AK5: variants seen among roughly 807,000 people sequenced by gnomAD.
AK5 encodes the protein adenylate kinase isoenzyme 5.
A neutral mutation model predicts 69.5 loss-of-function variants in AK5; 27 were observed. The observed-to-expected ratio is 0.39, with a 90% confidence interval of 0.29 to 0.54. The LOEUF (loss-of-function observed/expected upper bound fraction) is 0.54. Ranked by LOEUF, AK5 falls within the 20% of genes least tolerant of loss-of-function variation. The pLI, the probability that AK5 is intolerant of heterozygous loss-of-function variation, is 0.71. For missense variants in AK5, 531 were observed against 700.4 expected, an observed-to-expected ratio of 0.76 and a Z score of 2.73; for synonymous variants, 260 against 244.4, an observed-to-expected ratio of 1.06 and a Z score of -0.60.
At position 77,288,752 on chromosome 1, in the gene AK5, T is replaced by C. The variant is rs929271223; in HGVS notation, c.247+1625T>C. Among the ~76,000 whole-genome samples, 3 of 152,188 alleles carry C rather than the reference T, an allele frequency of 2.0e-5. No individual in the cohort carries two copies. In the South Asian group the frequency reaches 6.2e-4, roughly 31 times the overall value. On this transcript the variant is annotated intron_variant, in intron 2 of 13. Coordinates refer to ENST00000354567, the MANE Select transcript of AK5 (RefSeq NM_174858.3). Reference sequence around the variant, plus strand: ...TAATTTTAGAAACTTTCAAATGTTATAACGGACCAAAAAACAGAGAAATAG... The same window carrying C: ...TAATTTTAGAAACTTTCAAATGTTACAACGGACCAAAAAACAGAGAAATAG...
At chr1:77,303,777 G>C (rs968343613) in intron 5 of AK5, among the ~76,000 whole-genome samples, 2 of 152,214 alleles carry the variant, frequency 1.3e-5, no homozygotes, top group Non-Finnish European at 2.9e-5. Context: ...TGAAAGCTAG[G>C]TCACTGCCAT....
intron 12 of AK5, among the ~76,000 whole-genome samples, chr1:77,527,160 A>C (rs1658337527): frequency 6.6e-6 from 1 of 152,250 alleles, no homozygotes. Flanking sequence ...CAGATCATAT[A>C]ACATGCATAA....
intron 11 of AK5, 110 bp from the exon 12 acceptor site, chr1:77,521,717 A>C: frequency 1.4e-6 from 1 of 735,080 alleles, no homozygotes; most frequent in Non-Finnish European, 2.4e-6. Context: ...TCTGCTGTTA[A>C]CCTTACCTGA....
intron 6 of AK5, among the ~76,000 whole-genome samples, chr1:77,367,135 C>G (rs1379217943): frequency 6.6e-6 from 1 of 151,836 alleles, no homozygotes; most frequent in Non-Finnish European, 1.5e-5. Flanking sequence ...AATAGTTATA[C>G]ATGCATCCTT....
chr1:77,516,660 T>C (rs1336929228), intron 10 of AK5, among the ~76,000 whole-genome samples: 1 of 151,246 alleles, frequency 6.6e-6, no homozygotes, highest in Non-Finnish European at 1.5e-5. Flanking sequence ...TGTGTGGGCA[T>C]AGGAGGCCAT....
chr1:77,307,163 T>G (rs1191841800), intron 5 of AK5, among the ~76,000 whole-genome samples: 1 of 151,954 alleles, frequency 6.6e-6, no homozygotes. Context: ...GCTTTTGCTT[T>G]TTTAAAATTC....
At chr1:77,430,075 C>T (rs2100609217) in intron 8 of AK5, among the ~76,000 whole-genome samples, 1 of 151,158 alleles carries the variant, frequency 6.6e-6, no homozygotes, top group South Asian at 2.1e-4. Context: ...TTTTTTAAAA[C>T]ATTTTTCTGG....
At chr1:77,525,804 T>C (rs1261224075) in intron 12 of AK5, among the ~76,000 whole-genome samples, 1 of 152,220 alleles carries the variant, frequency 6.6e-6, no homozygotes. Flanking sequence ...TCTATTGGTC[T>C]ATATATCTGT....
chr1:77,403,905 G>A (rs1033921306), intron 6 of AK5, among the ~76,000 whole-genome samples: 1 of 152,154 alleles, frequency 6.6e-6, no homozygotes, highest in Non-Finnish European at 1.5e-5. Context: ...CCATTTTCAT[G>A]ATATTGATTC....
chr1:77,390,059 G>T (rs1648320030), intron 6 of AK5, among the ~76,000 whole-genome samples: 1 of 152,148 alleles, frequency 6.6e-6, no homozygotes, highest in African/African-American at 2.4e-5. Context: ...TGAGAAGAGG[G>T]TCTCAGCTGG....
At chr1:77,321,468 G>A (rs534100097) in intron 5 of AK5, among the ~76,000 whole-genome samples, 8 of 150,456 alleles carry the variant, frequency 5.3e-5, no homozygotes, top group East Asian at 3.9e-4. Context: ...GCGAGACTCC[G>A]TCTCAAAAAA....
chr1:77,483,376 G>A lies in AK5; in HGVS notation c.1102+17G>A, dbSNP rs772326700. ...CTATGGGAGGTGAGTTTTCCTTACTGATCAGATCAAAGTTGTCATTTTAGT... is the reference window on the plus strand; with the variant it reads ...CTATGGGAGGTGAGTTTTCCTTACTAATCAGATCAAAGTTGTCATTTTAGT... On this transcript the variant is annotated intron_variant, in intron 9 of 13. Transcript: ENST00000354567. 1.2e-6 allele frequency: 2 copies of A among 1,604,244 alleles called. No homozygotes were observed. The highest frequency in any genetic ancestry group is 1.7e-6 in the Non-Finnish European group (2 of 1,171,156).
intron 6 of AK5, among the ~76,000 whole-genome samples, chr1:77,393,570 C>T (rs1182208001): frequency 1.3e-5 from 2 of 152,180 alleles, no homozygotes; most frequent in Non-Finnish European, 2.9e-5. Flanking sequence ...TATCCCACCT[C>T]AAATACTTCC....
At chr1:77,536,763 G>A (rs1658993302) in intron 13 of AK5, among the ~76,000 whole-genome samples, 1 of 152,128 alleles carries the variant, frequency 6.6e-6, no homozygotes, top group African/African-American at 2.4e-5. Flanking sequence ...ATTTTACATC[G>A]TTCACAATTG....
At chr1:77,447,407 C>T (rs375841105) in intron 8 of AK5, among the ~76,000 whole-genome samples, 3 of 152,312 alleles carry the variant, frequency 2.0e-5, no homozygotes, top group Admixed American at 1.3e-4. Flanking sequence ...CATCACTATG[C>T]ATAGCTGGCA....
intron 6 of AK5, among the ~76,000 whole-genome samples, chr1:77,407,042 G>C (rs1649704147): frequency 6.7e-6 from 1 of 149,062 alleles, no homozygotes; most frequent in Non-Finnish European, 1.5e-5. Flanking sequence ...AAATTACCAG[G>C]CATGCAAAGA....
chr1:77,479,802 T>C, intron 8 of AK5, among the ~76,000 whole-genome samples: 1 of 152,138 alleles, frequency 6.6e-6, no homozygotes, highest in Non-Finnish European at 1.5e-5. Flanking sequence ...AAGGGTGGAC[T>C]AGATGGAGCC....
chr1:77,407,341 G>A (rs1329212249), intron 6 of AK5, among the ~76,000 whole-genome samples: 1 of 152,040 alleles, frequency 6.6e-6, no homozygotes, highest in Non-Finnish European at 1.5e-5. Flanking sequence ...ATGAACTAAG[G>A]ATATAACAAC....
intron 6 of AK5, among the ~76,000 whole-genome samples, chr1:77,400,853 C>G (rs1021875585): frequency 4.1e-5 from 6 of 145,670 alleles, no homozygotes; most frequent in South Asian, 2.2e-4. Context: ...TTCAAGTGTT[C>G]TGTACTCATC....
Sources: allele counts gnomAD v4.1 joint callset (sites outside exome capture counted in the v4.1 genomes callset), GRCh38; gene constraint gnomAD v4.1.1; transcripts MANE v1.5; gene names NCBI Gene and HGNC (gene_info 2026-07-23, HGNC 2026-07-21).